Variants in LDAH observed in about 807,000 individuals in gnomAD.
LDAH encodes lipid droplet-associated hydrolase.
In LDAH, 26 loss-of-function variants were observed where a neutral mutation model predicts 29.6. The ratio of observed to expected loss-of-function variants is 0.88; its 90% CI spans 0.64 to 1.22. The LOEUF is 1.22. Ranked by LOEUF, LDAH falls within the 50% of genes most tolerant of loss-of-function variation. The pLI is 0.00. For synonymous variants in LDAH, 117 were observed against 133.0 expected, an observed-to-expected ratio of 0.88 and a Z score of 0.83; for missense variants, 344 against 387.3, an observed-to-expected ratio of 0.89 and a Z score of 0.94.
In LDAH at chr2:20,774,981, T is replaced by A. The variant is rs766444225; in HGVS notation, c.299-2A>T. 2 of 1,578,350 alleles carry A rather than the reference T, an allele frequency of 1.3e-6. No individual in the cohort carries two copies. The highest frequency in any genetic ancestry group is 1.4e-5 in the African/African-American group (1 of 73,616). On this transcript the variant is annotated splice_acceptor_variant, in intron 3 of 6. Transcript: ENST00000237822. LOFTEE classifies it high-confidence loss of function. Reference sequence around the variant, plus strand: ...CCTTAATTTCTTGAGCGTTTGAATCTAAAAGCAAAAATATGAGCACGTTTT... The same window carrying A: ...CCTTAATTTCTTGAGCGTTTGAATCAAAAAGCAAAAATATGAGCACGTTTT...
Position 20,698,897 on chromosome 2 carries a change from T to A in LDAH, c.786+2673A>T, listed in dbSNP as rs78173737. Among the ~76,000 whole-genome samples, 72 of 152,322 alleles carry A rather than the reference T, an allele frequency of 4.7e-4. No individual in the cohort carries two copies. In the East Asian group the frequency reaches 6.0e-3, roughly 13 times the overall value. ...CTTTTAGAGCTAAAAATGCCCATTT[T>A]CCTCAAGCATATAAAAAGCTCTCTT... On this transcript the variant is annotated intron_variant, in intron 6 of 6. Transcript: ENST00000237822. This position sits in a 1 kb window ranked among gnomAD's most constrained non-coding sequence, Gnocchi z 4.4.
At chr2:20,765,728 C>T (rs1260017537) in intron 4 of LDAH, among the ~76,000 whole-genome samples, 1 of 152,122 alleles carries the variant, frequency 6.6e-6, no homozygotes, top group Non-Finnish European at 1.5e-5. Flanking sequence ...GATCCTCCTA[C>T]GTAGCTAGCT....
At chr2:20,758,285 T>G (rs1211665142) in intron 4 of LDAH, among the ~76,000 whole-genome samples, 1 of 152,210 alleles carries the variant, frequency 6.6e-6, no homozygotes. Flanking sequence ...ATAGGGAGTT[T>G]AAAATAACTA....
At chr2:20,787,457 C>T (rs1177822279) in intron 3 of LDAH, among the ~76,000 whole-genome samples, 1 of 152,116 alleles carries the variant, frequency 6.6e-6, no homozygotes, top group Non-Finnish European at 1.5e-5. Context: ...CCACGCCTGG[C>T]TAATTTTTGT....
chr2:20,789,267 G>C (rs1670769280), intron 3 of LDAH: 6 of 1,550,572 alleles, frequency 3.9e-6, no homozygotes, highest in Non-Finnish European at 5.2e-6. Flanking sequence ...ATGGGGTCAT[G>C]AGGGTAGAGC....
chr2:20,712,758 C>T (rs1435013665), intron 5 of LDAH, among the ~76,000 whole-genome samples: 7 of 151,890 alleles, frequency 4.6e-5, no homozygotes, highest in Non-Finnish European at 2.9e-5. Context: ...CTTCAATAGC[C>T]GATTTGGTCA....
intron 5 of LDAH, among the ~76,000 whole-genome samples, chr2:20,710,606 G>GTGTGTGTATATATATATCTATA (rs1467950593): frequency 1.4e-4 from 19 of 131,872 alleles, no homozygotes; most frequent in African/African-American, 5.2e-4. Flanking sequence ...GTGTGTGTGT[G>GTGTGTGTATATATATATCTATA]TATATATATA....
chr2:20,702,259 T>C lies in LDAH; in HGVS notation c.704-607A>G, dbSNP rs181887978. 6.3e-4 allele frequency among the ~76,000 whole-genome samples: 96 copies of C among 152,358 alleles called. 1 individual carries two copies. Among genetic ancestry groups the C allele is most frequent in the Non-Finnish European group, 1.1e-3 (76 of 68,022 alleles). On this transcript the variant is annotated intron_variant, in intron 5 of 6. Transcript: ENST00000237822. ...ATGAGTTTATGTGGCTTTCTTGTAC[T>C]GGTAAGAAAATTTTCATTCAATGCT...
At chr2:20,767,984 C>T (rs1669155404) in intron 4 of LDAH, among the ~76,000 whole-genome samples, 1 of 152,258 alleles carries the variant, frequency 6.6e-6, no homozygotes, top group Admixed American at 6.5e-5. Flanking sequence ...AGAGGAGCTA[C>T]CCTCTCTGCT....
intron 1 of LDAH, among the ~76,000 whole-genome samples, chr2:20,803,571 C>T (rs907802633): frequency 6.6e-5 from 10 of 152,244 alleles, no homozygotes; most frequent in Admixed American, 6.5e-4. Flanking sequence ...CCTCAACTCA[C>T]TTGCACCCCA....
chr2:20,689,613 T>A (rs1400598544), intron 6 of LDAH, among the ~76,000 whole-genome samples: 1 of 152,238 alleles, frequency 6.6e-6, no homozygotes, highest in African/African-American at 2.4e-5. Flanking sequence ...CAGGTATTAA[T>A]TATCTACCAA....
chr2:20,707,044 A>C (rs972238197), intron 5 of LDAH, among the ~76,000 whole-genome samples: 2 of 152,138 alleles, frequency 1.3e-5, no homozygotes, highest in Non-Finnish European at 2.9e-5. Flanking sequence ...CACGGTGAAC[A>C]TTTCTTTCAT....
At chr2:20,789,462 G>C (rs1361844845) in intron 3 of LDAH, 2 of 1,402,078 alleles carry the variant, frequency 1.4e-6, no homozygotes. Context: ...CTTAGTCTAT[G>C]GTATTTTGCT....
chr2:20,736,306 G>A lies in LDAH; in HGVS notation c.703+3665C>T, dbSNP rs909710023. On this transcript the variant is annotated intron_variant, in intron 5 of 6. Transcript: ENST00000237822. ...AAAATACAAAAATTAGCTGGGAGTCGTGGCAGGCACCTGTAGTTCCAACTA... is the reference window on the plus strand; with the variant it reads ...AAAATACAAAAATTAGCTGGGAGTCATGGCAGGCACCTGTAGTTCCAACTA... 7.9e-5 allele frequency among the ~76,000 whole-genome samples: 12 copies of A among 152,068 alleles called. No individual in the cohort carries two copies. In the East Asian group the frequency reaches 1.2e-3, roughly 15 times the overall value.
Position 20,685,792 on chromosome 2 carries a change from C to A in LDAH, c.*1111G>T. ...GCCAGGGAATATGTGTCTTCTCTGC[C>A]ATACCTCAATGTGTCTAGAGAAGGT... On this transcript the variant is annotated 3_prime_UTR_variant, in exon 7 of 7. Transcript: ENST00000237822. 2 of 1,076,640 alleles carry A rather than the reference C, an allele frequency of 1.9e-6. No individual in the cohort carries two copies. The highest frequency in any genetic ancestry group is 1.3e-6 in the Non-Finnish European group (1 of 772,916). 66.7% of individuals were successfully genotyped at this position (1,076,640 alleles called of 1,614,324 possible). A position where few individuals can be genotyped will look rare whatever the true frequency, so the allele number is the denominator to read the frequency against.
intron 5 of LDAH, among the ~76,000 whole-genome samples, chr2:20,715,318 C>T (rs1253252370): frequency 6.6e-6 from 1 of 152,126 alleles, no homozygotes; most frequent in East Asian, 1.9e-4. Context: ...AGGCCTTTGA[C>T]AAAATTCAAC....
rs114113854 is a variant in LDAH, at chr2:20,742,031, A to G, written c.469-1826T>C. Among the ~76,000 whole-genome samples the G allele has an allele frequency of 4.8e-3, 736 of 152,292 alleles. 7 individuals carry two copies. The highest frequency in any genetic ancestry group is 0.017 in the African/African-American group (689 of 41,570). ...ATAAGTTGTGTTTTCATTTTCATTT[A>G]GTTCAAAATTATTTCTCAATTTATC... is the stretch of plus-strand genomic sequence containing the variant. On this transcript the variant is annotated intron_variant, in intron 4 of 6. Coordinates refer to ENST00000237822, the MANE Select transcript of LDAH (RefSeq NM_021925.4).
chr2:20,689,187 CA>C (rs1662814881), intron 6 of LDAH, among the ~76,000 whole-genome samples: 1 of 152,022 alleles, frequency 6.6e-6, no homozygotes, highest in Non-Finnish European at 1.5e-5. Context: ...TTTATGACTG[CA>C]TAGTATTCCA....
intron 5 of LDAH, among the ~76,000 whole-genome samples, chr2:20,715,045 A>T (rs1665058751): frequency 6.6e-6 from 1 of 152,224 alleles, no homozygotes; most frequent in South Asian, 2.1e-4. Context: ...GGTCAACATC[A>T]TCCTGATACC....
Sources: gnomAD v4.1 joint callset for allele counts (sites outside exome capture counted in the v4.1 genomes callset) on GRCh38, gnomAD v4.1.1 for gene constraint, Gnocchi (gnomAD v3.1) non-coding constraint, MANE v1.5 for transcripts, NCBI Gene and HGNC (gene_info 2026-07-23, HGNC 2026-07-21) for gene names.